NBPF11: variants seen among roughly 807,000 people sequenced by gnomAD.
NBPF11 encodes the protein NBPF member 11, also known as NBPF family member NBPF11.
NBPF11 carries 72 observed loss-of-function variants against 93.9 expected under a neutral mutation model. That is an observed-to-expected ratio of 0.77 (90% confidence interval 0.63 to 0.93). NBPF11 has a LOEUF of 0.93. NBPF11 is among the 40% of genes least tolerant of loss of function. NBPF11 has a pLI of 0.00. For synonymous variants in NBPF11, 224 were observed against 304.9 expected, an observed-to-expected ratio of 0.73 and a Z score of 2.76; for missense variants, 705 against 802.2, an observed-to-expected ratio of 0.88 and a Z score of 1.46.
chr1:148,126,154 C>A (rs1179810219), intron 5 of NBPF11, among the ~76,000 whole-genome samples: 2 of 151,812 alleles, frequency 1.3e-5, no homozygotes, highest in African/African-American at 2.4e-5. Flanking sequence ...TTGCCCGCCA[C>A]GACGCCCATC....
chr1:148,127,672 T>G (rs1176260235), intron 4 of NBPF11, among the ~76,000 whole-genome samples: 1 of 107,740 alleles, frequency 9.3e-6, no homozygotes, highest in Non-Finnish European at 1.8e-5. Context: ...AGACAGAGTC[T>G]CACTCTGTCG....
In NBPF11 at chr1:148,135,789, GT is replaced by G. The variant is rs1671178684; in HGVS notation, c.-154del. The G allele has an allele frequency of 1.4e-6, 1 of 705,404 alleles. No individual in the cohort carries two copies. The allele number at this position is 705,404 out of a possible 1,614,324, so 43.7% of individuals were successfully genotyped here. ...GTTTCTCCAGGTATGATATTATTTT[GT>G]TTGACCATCCTTATCTTCAAGGGCT... On this transcript the variant is annotated 5_prime_UTR_variant, in exon 4 of 24. An upstream open reading frame in the 5' UTR gains an earlier in-frame stop. Transcript: ENST00000682118.
chr1:148,102,333 G>A lies in NBPF11; in HGVS notation c.*1563C>T, dbSNP rs1398719734. ...GAATATAATAATAGACACAGGCAGG[G>A]AGGATTAATAAATGATAAAATGTTT... On this transcript the variant is annotated 3_prime_UTR_variant, in exon 24 of 24. Transcript: ENST00000682118. The A allele has an allele frequency of 1.3e-5, 2 of 151,838 alleles. No individual in the cohort carries two copies. The highest frequency in any genetic ancestry group is 2.4e-5 in the African/African-American group (1 of 41,142). 9.4% of individuals were successfully genotyped at this position (151,838 alleles called of 1,614,324 possible).
At chr1:148,125,653 C>T (rs1463058340) in intron 5 of NBPF11, among the ~76,000 whole-genome samples, 2 of 152,042 alleles carry the variant, frequency 1.3e-5, no homozygotes, top group South Asian at 2.1e-4. Context: ...AATTTAGAAA[C>T]ATCAGAATGA....
chr1:148,111,474 C>A (rs1180217315), intron 15 of NBPF11, among the ~76,000 whole-genome samples: 5 of 151,964 alleles, frequency 3.3e-5, no homozygotes, highest in African/African-American at 1.2e-4. Flanking sequence ...GGAGGATGTG[C>A]GAACTCATCG....
chr1:148,144,635 G>C (rs1473229589), intron 1 of NBPF11, among the ~76,000 whole-genome samples: 2 of 151,872 alleles, frequency 1.3e-5, no homozygotes, highest in Admixed American at 1.3e-4. Flanking sequence ...ATAGCTGTAA[G>C]AGATTTTAGT....
intron 1 of NBPF11, among the ~76,000 whole-genome samples, chr1:148,150,187 T>C (rs1427654915): frequency 6.7e-6 from 1 of 148,200 alleles, no homozygotes; most frequent in Non-Finnish European, 1.5e-5. Context: ...GGTTGCACTC[T>C]GCCATCCAGG....
At chr1:148,138,061 G>A (rs1397034308) in intron 2 of NBPF11, among the ~76,000 whole-genome samples, 1 of 151,198 alleles carries the variant, frequency 6.6e-6, no homozygotes, top group Non-Finnish European at 1.5e-5. Context: ...AGGACAATAG[G>A]ATAATAGTGG....
intron 9 of NBPF11, 118 bp downstream of exon 9, chr1:148,121,937 T>C: frequency 1.1e-6 from 1 of 884,702 alleles, no homozygotes; most frequent in Admixed American, 1.7e-5. Context: ...TCACAGCACC[T>C]AGCTCCATCC....
chr1:148,146,526 G>A, intron 1 of NBPF11: 12 of 1,603,176 alleles, frequency 7.5e-6, no homozygotes, highest in South Asian at 1.1e-5. Context: ...CCGAGCTGGG[G>A]CCTGGTGGGG....
In NBPF11 at chr1:148,122,184, G is replaced by T. The variant is rs1668028532; in HGVS notation, c.649C>A (p.Pro217Thr). ...CAITCSNSHG[P>T]CDSIQPHKNI... Reference sequence around the variant, plus strand: ...TTGTGAGGCTGGATGGAGTCACAAGGGCCGTGGCTATTTGAACAAGTGATG... The same window carrying T: ...TTGTGAGGCTGGATGGAGTCACAAGTGCCGTGGCTATTTGAACAAGTGATG... Residue 217 changes from proline to threonine, a missense_variant, in exon 9 of 24, where the codon CCT (proline) becomes ACT (threonine). Physicochemically the swap from Pro to Thr is conservative, Grantham distance 38 (BLOSUM62 -1). This residue lies in a region of NBPF11 where 262 missense variants were observed against 223.1 expected (regional missense o/e 1.17). Coordinates refer to ENST00000682118, the MANE Select transcript of NBPF11 (RefSeq NM_001385469.3). 1 of 1,612,702 alleles carries T rather than the reference G, an allele frequency of 6.2e-7. No homozygotes were observed. Among genetic ancestry groups the T allele is most frequent in the East Asian group, 2.2e-5 (1 of 44,858 alleles).
chr1:148,147,154 C>A (rs1270563406), intron 1 of NBPF11, among the ~76,000 whole-genome samples: 54 of 152,284 alleles, frequency 3.5e-4, no homozygotes, highest in South Asian at 2.5e-3. Context: ...TGGAGCCAGG[C>A]TCCCTGGGAA....
rs1261393126 is a variant in NBPF11, at chr1:148,120,500, C to T, written c.988+1G>A. ...CGTGATGGTGAGCATATAGATCTTA[C>T]TGTATTTGTTCTGCTGCTTGGCCAG... On this transcript the variant is annotated splice_donor_variant, in intron 10 of 23. Coordinates refer to ENST00000682118, the MANE Select transcript of NBPF11 (RefSeq NM_001385469.3). LOFTEE classifies it high-confidence loss of function. The T allele has an allele frequency of 1.4e-5, 13 of 908,406 alleles. No individual in the cohort carries two copies. Among genetic ancestry groups the T allele is most frequent in the Non-Finnish European group, 2.4e-5 (13 of 536,196 alleles). The allele number at this position is 908,406 out of a possible 1,614,324, so 56.3% of individuals were successfully genotyped here.
intron 2 of NBPF11, among the ~76,000 whole-genome samples, chr1:148,138,312 A>T (rs1421168192): frequency 6.6e-6 from 1 of 150,986 alleles, no homozygotes; most frequent in Admixed American, 6.6e-5. Flanking sequence ...CAGGAGACAG[A>T]TGCCTTCCTC....
At chr1:148,107,485 C>G (rs1488167931) in intron 19 of NBPF11, among the ~76,000 whole-genome samples, 1,783 of 149,292 alleles carry the variant, frequency 0.012, 2 homozygotes, top group East Asian at 0.051. Flanking sequence ...CATGCAGTTG[C>G]CATACGGCCT....
At chr1:148,104,404 A>T in intron 23 of NBPF11, 133 bp downstream of exon 23, 1 of 633,986 alleles carries the variant, frequency 1.6e-6, no homozygotes, top group Middle Eastern at 4.3e-4. Context: ...CTGCAATGAA[A>T]ACCAACAACA....
chr1:148,106,461 T>C (rs1663641318), intron 20 of NBPF11, among the ~76,000 whole-genome samples: 1 of 144,030 alleles, frequency 6.9e-6, no homozygotes, highest in Non-Finnish European at 1.5e-5. Flanking sequence ...CCCAAAATCA[T>C]TTATCCCAAG....
At chr1:148,120,798 C>A (rs1263553414) in intron 9 of NBPF11, 88 bp from the exon 10 acceptor site, 9 of 971,844 alleles carry the variant, frequency 9.3e-6, no homozygotes, top group Admixed American at 1.7e-5. Flanking sequence ...TCACTGGTAG[C>A]CTTGTTTACT....
At chr1:148,148,287 G>T (rs1280164026) in intron 1 of NBPF11, among the ~76,000 whole-genome samples, 8 of 152,206 alleles carry the variant, frequency 5.3e-5, no homozygotes, top group Non-Finnish European at 1.2e-4. Context: ...ACGCACACCT[G>T]CCCATGCTCC....
Sources: gnomAD v4.1 joint callset for allele counts (sites outside exome capture counted in the v4.1 genomes callset) on GRCh38, gnomAD v4.1.1 for gene constraint, gnomAD v4.1.1 regional missense constraint, MANE v1.5 for transcripts, NCBI Gene and HGNC (gene_info 2026-07-23, HGNC 2026-07-21) for gene names.